KNTC1: variants seen among roughly 807,000 people sequenced by gnomAD.
KNTC1 encodes the protein kinetochore associated 1, also known as kinetochore-associated protein 1.
In KNTC1, 253 loss-of-function variants were observed where a neutral mutation model predicts 314.4. The ratio of observed to expected loss-of-function variants is 0.80; its 90% confidence interval spans 0.73 to 0.89. The LOEUF (loss-of-function observed/expected upper bound fraction) is 0.89, where lower values mean the gene tolerates loss of function less well. KNTC1 is among the 40% of genes least tolerant of loss of function. KNTC1 has a pLI of 0.00. For synonymous variants in KNTC1, 901 were observed against 901.4 expected (o/e 1.00, Z 0.01); for missense variants, 2,475 against 2,572.9 (o/e 0.96, Z 0.82).
At chr12:122,544,136 C>A in intron 7 of KNTC1, 23 bp from the exon 8 acceptor site, 1 of 960,928 alleles carries the variant, frequency 1.0e-6, no homozygotes, top group Non-Finnish European at 1.6e-6. Context: ...ATATATATGA[C>A]GTTGTTGTTT....
At chr12:122,608,903 T>A (rs1872809766) in intron 51 of KNTC1, among the ~76,000 whole-genome samples, 1 of 151,762 alleles carries the variant, frequency 6.6e-6, no homozygotes, top group Non-Finnish European at 1.5e-5. Flanking sequence ...TACAAAAATT[T>A]AAAAAATTAG....
At chr12:122,563,021 A>AT (rs397707504) in intron 20 of KNTC1, among the ~76,000 whole-genome samples, 64 of 143,670 alleles carry the variant, frequency 4.5e-4, no homozygotes, top group Non-Finnish European at 7.9e-4. Context: ...AAAAAAAAAA[A>AT]TTTTTTTTTT....
chr12:122,574,899 CT>C (rs1317234415), intron 27 of KNTC1, among the ~76,000 whole-genome samples: 1 of 152,088 alleles, frequency 6.6e-6, no homozygotes, highest in Non-Finnish European at 1.5e-5. Flanking sequence ...TGTAATATGC[CT>C]TTATTTTAAC....
chr12:122,608,154 C>G (rs747221495), intron 51 of KNTC1, among the ~76,000 whole-genome samples: 17 of 152,140 alleles, frequency 1.1e-4, no homozygotes, highest in Non-Finnish European at 2.2e-4. Context: ...TTCAGCCACC[C>G]AGGCTAGAGC....
chr12:122,609,415 A>G lies in KNTC1; in HGVS notation c.5528A>G (p.Asp1843Gly). 6 of 1,585,898 alleles carry G rather than the reference A, an allele frequency of 3.8e-6. No homozygotes were observed. Among genetic ancestry groups the G allele is most frequent in the Non-Finnish European group, 5.2e-6 (6 of 1,164,020 alleles). Residue 1843 changes from aspartate (D) to glycine (G), a missense_variant, in exon 52 of 64, where the codon GAT (aspartate) becomes GGT (glycine). Physicochemically the swap from Asp to Gly is moderately conservative, Grantham distance 94 (BLOSUM62 -1). Transcript: ENST00000333479. ...TCAGAATTATTTGAACTTCAAGAAGATGAAGCCCTACGAAGGTACTCTTTT... is the reference window on the plus strand; with the variant it reads ...TCAGAATTATTTGAACTTCAAGAAGGTGAAGCCCTACGAAGGTACTCTTTT... ...KPSELFELQE[D>G]EALRRVQYLL...
intron 3 of KNTC1, among the ~76,000 whole-genome samples, chr12:122,536,199 G>A (rs1038408688): frequency 6.6e-6 from 1 of 150,820 alleles, no homozygotes; most frequent in African/African-American, 2.4e-5. Context: ...CACGACACCC[G>A]ACCCCGAAAG....
chr12:122,561,035 G>A (rs1466359931), intron 18 of KNTC1, among the ~76,000 whole-genome samples: 1 of 152,130 alleles, frequency 6.6e-6, no homozygotes, highest in Non-Finnish European at 1.5e-5. Flanking sequence ...TTCTTGGCTG[G>A]GTGCAGTGGC....
At chr12:122,591,584 A>G (rs1283788875) in intron 42 of KNTC1, 131 bp downstream of exon 42, 2 of 612,114 alleles carry the variant, frequency 3.3e-6, no homozygotes, top group Admixed American at 3.2e-5. Flanking sequence ...TTTATTAACT[A>G]CACACATAGG....
chr12:122,611,056 G>A (rs1262799561), intron 53 of KNTC1, 156 bp downstream of exon 53: 2 of 632,570 alleles, frequency 3.2e-6, no homozygotes, highest in East Asian at 5.5e-5. Context: ...AGCAAGCATT[G>A]TCTTGCACCA....
At chr12:122,608,852 GT>G (rs1872798497) in intron 51 of KNTC1, among the ~76,000 whole-genome samples, 1 of 152,044 alleles carries the variant, frequency 6.6e-6, no homozygotes, top group Non-Finnish European at 1.5e-5. Flanking sequence ...GAGGCGAGGG[GT>G]TTGAGACCAG....
At chr12:122,563,781 TATG>T in intron 20 of KNTC1, 1 of 1,480,316 alleles carries the variant, frequency 6.8e-7, no homozygotes, top group East Asian at 2.5e-5. Context: ...GTCGTGCCCA[TATG>T]ATGACTCTTC....
chr12:122,580,995 T>C (rs1254127142), intron 33 of KNTC1, among the ~76,000 whole-genome samples: 1 of 146,536 alleles, frequency 6.8e-6, no homozygotes, highest in South Asian at 2.2e-4. Flanking sequence ...ACCACTGGAC[T>C]CCAGCCTGGG....
At chr12:122,612,094 C>G (rs1015148787) in intron 53 of KNTC1, among the ~76,000 whole-genome samples, 12 of 150,082 alleles carry the variant, frequency 8.0e-5, no homozygotes, top group African/African-American at 2.9e-4. Context: ...GAGATGGAGT[C>G]TTGCTCTGTC....
chr12:122,610,745 G>A, intron 52 of KNTC1, 77 bp from the exon 53 acceptor site: 1 of 923,086 alleles, frequency 1.1e-6, no homozygotes, highest in Non-Finnish European at 1.7e-6. Flanking sequence ...CCGTTCCATG[G>A]ATAGAAAGAT....
At chr12:122,585,885 C>G (rs1869215902) in intron 37 of KNTC1, 111 bp downstream of exon 37, 2 of 932,694 alleles carry the variant, frequency 2.1e-6, no homozygotes, top group Non-Finnish European at 3.3e-6. Flanking sequence ...ACCTTATAAG[C>G]GTAATGTGGA....
rs187702980 is a variant in KNTC1 at position 122,606,982 on chromosome 12, C to T, written c.5496+1567C>T. Among the ~76,000 whole-genome samples, 145 of 152,294 alleles carry T rather than the reference C, an allele frequency of 9.5e-4. 1 individual carries two copies. The highest frequency in any genetic ancestry group is 3.4e-3 in the African/African-American group (140 of 41,572). Reference sequence around the variant, plus strand: ...GCAGTTACACCAATTGTCCTAATAACGTTTTTTATATAAGCAGTTTTCTCC... The same window carrying T: ...GCAGTTACACCAATTGTCCTAATAATGTTTTTTATATAAGCAGTTTTCTCC... On this transcript the variant is annotated intron_variant, in intron 51 of 63. Transcript: ENST00000333479.
At chr12:122,587,947 G>A in intron 39 of KNTC1, 73 bp downstream of exon 39, 8 of 1,289,710 alleles carry the variant, frequency 6.2e-6, no homozygotes, top group Non-Finnish European at 7.4e-6. Context: ...GGAATTTGGA[G>A]TCCACGTTTT....
chr12:122,607,419 T>C (rs571983330), intron 51 of KNTC1, among the ~76,000 whole-genome samples: 2 of 152,218 alleles, frequency 1.3e-5, no homozygotes, highest in Non-Finnish European at 2.9e-5. Flanking sequence ...TTTTATGATA[T>C]TGACATTTTT....
At chr12:122,549,475 C>A (rs35139892) in intron 12 of KNTC1, among the ~76,000 whole-genome samples, 34,115 of 152,046 alleles carry the variant, frequency 0.22, 4,079 homozygotes, top group East Asian at 0.46. Context: ...TCAGCCTCCC[C>A]AGTAGCTGTG....
Sources: gnomAD v4.1 joint callset for allele counts (sites outside exome capture counted in the v4.1 genomes callset) on GRCh38, gnomAD v4.1.1 for gene constraint, MANE v1.5 for transcripts, NCBI Gene and HGNC (gene_info 2026-07-23, HGNC 2026-07-21) for gene names.